Variants in AKAP13 observed in about 807,000 individuals in gnomAD.
The protein encoded by AKAP13 is A-kinase anchor protein 13.
A neutral mutation model predicts 264.5 loss-of-function variants in AKAP13; 80 were observed. The ratio of observed to expected loss-of-function variants is 0.30; its 90% CI spans 0.25 to 0.36. The LOEUF is 0.36. Among genes scored for constraint, AKAP13 ranks in the 10% least tolerant of loss-of-function variants. The probability of loss-of-function intolerance (pLI) is 1.00; values close to 1 mark genes in which losing one functional copy is unlikely to be tolerated. For synonymous variants in AKAP13, 1,380 were observed against 1,250.2 expected (o/e 1.10, Z -2.19); for missense variants, 3,712 against 3,435.2 (o/e 1.08, Z -2.01).
At chr15:85,568,289 CA>C (rs201960241) in intron 5 of AKAP13, among the ~76,000 whole-genome samples, 4 of 141,098 alleles carry the variant, frequency 2.8e-5, no homozygotes, top group Admixed American at 7.1e-5. Context: ...GACCCTCTAT[CA>C]AAAAAAAAGA....
intron 6 of AKAP13, among the ~76,000 whole-genome samples, chr15:85,576,870 C>CA (rs2079032459): frequency 1.3e-5 from 2 of 152,152 alleles, no homozygotes; most frequent in African/African-American, 4.8e-5. Context: ...AGCTACCTGC[C>CA]AAGATATGGA....
intron 8 of AKAP13, among the ~76,000 whole-genome samples, chr15:85,633,548 T>C (rs1417685055): frequency 3.0e-5 from 4 of 134,002 alleles, no homozygotes; most frequent in East Asian, 2.0e-4. Context: ...TTTTTTTTTT[T>C]TTTTTTTTTT....
intron 19 of AKAP13, among the ~76,000 whole-genome samples, chr15:85,711,503 C>T (rs764371221): frequency 3.3e-5 from 5 of 151,804 alleles, no homozygotes; most frequent in Admixed American, 6.6e-5. Flanking sequence ...CTTATATGTT[C>T]TGCTTATTTT....
intron 23 of AKAP13, 58 bp downstream of exon 23, chr15:85,719,384 G>T: frequency 6.3e-7 from 1 of 1,590,076 alleles, no homozygotes; most frequent in Non-Finnish European, 8.6e-7. Flanking sequence ...GAAGTCATGG[G>T]GTTCCACAGC....
intron 1 of AKAP13, among the ~76,000 whole-genome samples, chr15:85,474,087 T>C (rs1003673641): frequency 6.6e-5 from 10 of 152,312 alleles, no homozygotes; most frequent in Non-Finnish European, 1.5e-5. Context: ...GTGACTTACA[T>C]AGGATGAAAA....
intron 8 of AKAP13, among the ~76,000 whole-genome samples, chr15:85,615,756 T>C (rs2080906792): frequency 6.6e-6 from 1 of 152,248 alleles, no homozygotes; most frequent in African/African-American, 2.4e-5. Flanking sequence ...TTCCTTTTTC[T>C]TTCTCCTCTG....
At chr15:85,435,146 A>G (rs2073216959) in intron 1 of AKAP13, among the ~76,000 whole-genome samples, 1 of 139,756 alleles carries the variant, frequency 7.2e-6, no homozygotes, top group South Asian at 2.5e-4. Flanking sequence ...GGAGCTGAAA[A>G]CCAAGGCTCG....
intron 17 of AKAP13, among the ~76,000 whole-genome samples, chr15:85,704,863 T>G (rs1002258302): frequency 6.6e-6 from 1 of 152,186 alleles, no homozygotes; most frequent in Non-Finnish European, 1.5e-5. Flanking sequence ...TCTCATGACT[T>G]TGGCTGATGT....
At chr15:85,552,024 G>GAGAAACAAGAAAA (rs2077976100) in intron 5 of AKAP13, among the ~76,000 whole-genome samples, 1 of 152,208 alleles carries the variant, frequency 6.6e-6, no homozygotes, top group Non-Finnish European at 1.5e-5. Flanking sequence ...AAAACTAGGT[G>GAGAAACAAGAAAA]TGTTGAATAA....
intron 29 of AKAP13, among the ~76,000 whole-genome samples, chr15:85,728,839 T>C (rs1305438245): frequency 6.6e-6 from 1 of 151,628 alleles, no homozygotes; most frequent in Non-Finnish European, 1.5e-5. Flanking sequence ...GGGACTCATG[T>C]AATTAAAAAA....
chr15:85,637,165 A>G (rs1567168262), intron 8 of AKAP13, among the ~76,000 whole-genome samples: 2 of 152,246 alleles, frequency 1.3e-5, no homozygotes, highest in Non-Finnish European at 2.9e-5. Flanking sequence ...GGCTCATAAA[A>G]TGAGCTGCAT....
At chr15:85,611,278 T>G (rs2080608818) in intron 8 of AKAP13, among the ~76,000 whole-genome samples, 2 of 152,140 alleles carry the variant, frequency 1.3e-5, no homozygotes, top group Admixed American at 1.3e-4. Context: ...GTCACACACT[T>G]TCAACTGCCT....
Position 85,564,309 on chromosome 15 carries a change from C to T in AKAP13, c.663-10822C>T, listed in dbSNP as rs1049215219. ...CTATATATCCTTCATCCAAATTCTC[C>T]GATTCTTAACATTGGTTACATTTGC... On this transcript the variant is annotated intron_variant, in intron 5 of 36. Transcript: ENST00000394518. Among the ~76,000 whole-genome samples, 6 of 152,202 alleles carry T rather than the reference C, an allele frequency of 3.9e-5. No homozygotes were observed. The East Asian group carries it at 5.8e-4, about 15-fold the overall frequency.
At chr15:85,561,859 G>T (rs536434229) in intron 5 of AKAP13, among the ~76,000 whole-genome samples, 1 of 152,138 alleles carries the variant, frequency 6.6e-6, no homozygotes, top group South Asian at 2.1e-4. Context: ...TCCATAGTAC[G>T]CAATGATCTA....
chr15:85,597,173 T>C (rs2079855826), intron 8 of AKAP13, among the ~76,000 whole-genome samples: 1 of 152,220 alleles, frequency 6.6e-6, no homozygotes, highest in East Asian at 1.9e-4. Flanking sequence ...CCAAAAATAA[T>C]TGTTCTCATT....
chr15:85,705,249 A>T (rs527963041), intron 17 of AKAP13, among the ~76,000 whole-genome samples: 1 of 152,296 alleles, frequency 6.6e-6, no homozygotes, highest in Non-Finnish European at 1.5e-5. Flanking sequence ...CTCCCTTAAA[A>T]ATCATCATTG....
At chr15:85,520,026 A>G (rs1212009277) in intron 2 of AKAP13, among the ~76,000 whole-genome samples, 4 of 152,304 alleles carry the variant, frequency 2.6e-5, no homozygotes, top group African/African-American at 9.6e-5. Context: ...TAAGATTTAT[A>G]TAGTATTAAA....
At chr15:85,496,047 G>T (rs1274835515) in intron 2 of AKAP13, among the ~76,000 whole-genome samples, 1 of 152,148 alleles carries the variant, frequency 6.6e-6, no homozygotes, top group African/African-American at 2.4e-5. Context: ...CCTACTCTTG[G>T]CAAGGAAACA....
chr15:85,428,097 G>T (rs909952349), intron 1 of AKAP13, among the ~76,000 whole-genome samples: 1 of 152,036 alleles, frequency 6.6e-6, no homozygotes, highest in Non-Finnish European at 1.5e-5. Flanking sequence ...AACAAGTCTG[G>T]TTTTTTGCCT....
Sources: allele counts gnomAD v4.1 joint callset (sites outside exome capture counted in the v4.1 genomes callset), GRCh38; gene constraint gnomAD v4.1.1; transcripts MANE v1.5; gene names NCBI Gene and HGNC (gene_info 2026-07-23, HGNC 2026-07-21).